Variants in BARD1 observed in about 807,000 individuals in gnomAD.
The protein encoded by BARD1 is BRCA1 associated RING domain 1.
BARD1 carries 73 observed loss-of-function variants against 77.0 expected under a neutral mutation model. The ratio of observed to expected loss-of-function variants is 0.95; its 90% CI spans 0.79 to 1.15. The LOEUF (loss-of-function observed/expected upper bound fraction) is 1.15, where lower values mean the gene tolerates loss of function less well. BARD1 is among the 50% of genes most tolerant of loss of function. BARD1 has a pLI of 0.00. For missense variants in BARD1, 993 were observed against 938.8 expected, an observed-to-expected ratio of 1.06 and a Z score of -0.75; for synonymous variants, 384 against 338.0, an observed-to-expected ratio of 1.14 and a Z score of -1.49.
chr2:214,729,295 A>T (rs1251801320), intron 10 of BARD1, among the ~76,000 whole-genome samples: 1 of 152,218 alleles, frequency 6.6e-6, no homozygotes, highest in Non-Finnish European at 1.5e-5. Context: ...AATTTTGTGC[A>T]TGAAACAAAA....
At chr2:214,787,997 C>T (rs75053714) in intron 3 of BARD1, among the ~76,000 whole-genome samples, 7,963 of 151,954 alleles carry the variant, frequency 0.052, 233 homozygotes, top group Admixed American at 0.083. Flanking sequence ...ATTTTGTAAG[C>T]TAGGAAGCAT....
In BARD1 at chr2:214,752,442, C is replaced by G; in HGVS notation, c.1677+5G>C. ...TAAATGTCCCAAAGCTAAATCCATA[C>G]TTACTACTGAGCAGTGGCTAGCTGA... On this transcript the variant is annotated splice_donor_5th_base_variant and intron_variant, in intron 7 of 10. Coordinates refer to ENST00000260947, the MANE Select transcript of BARD1 (RefSeq NM_000465.4). 6.3e-7 allele frequency: 1 copy of G among 1,598,350 alleles called. No homozygotes were observed. Among genetic ancestry groups the G allele is most frequent in the Non-Finnish European group, 8.6e-7 (1 of 1,165,770 alleles).
intron 7 of BARD1, among the ~76,000 whole-genome samples, chr2:214,749,798 T>C (rs1303219738): frequency 4.0e-5 from 6 of 150,142 alleles, no homozygotes; most frequent in Non-Finnish European, 7.4e-5. Flanking sequence ...TTTTTTTTAA[T>C]GGCTGGTTAA....
chr2:214,800,462 C>T (rs1695965815), intron 1 of BARD1, among the ~76,000 whole-genome samples: 1 of 152,082 alleles, frequency 6.6e-6, no homozygotes, highest in Non-Finnish European at 1.5e-5. Context: ...AGCTTGAGCC[C>T]AAGAGTTCAG....
intron 6 of BARD1, among the ~76,000 whole-genome samples, chr2:214,761,791 T>C (rs1693977374): frequency 6.6e-6 from 1 of 152,192 alleles, no homozygotes; most frequent in Admixed American, 6.5e-5. Flanking sequence ...GATATTAGTA[T>C]TGACTATAAC....
At chr2:214,740,698 T>C (rs2106009330) in intron 9 of BARD1, among the ~76,000 whole-genome samples, 1 of 152,206 alleles carries the variant, frequency 6.6e-6, no homozygotes, top group East Asian at 1.9e-4. Context: ...TAATCTTTCA[T>C]ATGTAGGTTA....
chr2:214,780,437 G>A (rs371993665), intron 4 of BARD1, 123 bp downstream of exon 4: 2 of 847,134 alleles, frequency 2.4e-6, no homozygotes, highest in African/African-American at 3.4e-5. Flanking sequence ...TGGTTCAGAG[G>A]AAGTATCATG....
intron 4 of BARD1, among the ~76,000 whole-genome samples, chr2:214,772,684 G>A (rs77777667): frequency 0.035 from 5,299 of 152,042 alleles, 124 homozygotes; most frequent in Non-Finnish European, 0.049. Context: ...ATTAGCAAAC[G>A]GCTTGCTTTT....
At chr2:214,777,181 T>G (rs1694771719) in intron 4 of BARD1, among the ~76,000 whole-genome samples, 1 of 152,172 alleles carries the variant, frequency 6.6e-6, no homozygotes, top group Non-Finnish European at 1.5e-5. Context: ...TTTGAATCAC[T>G]AACTTTGTGG....
intron 1 of BARD1, among the ~76,000 whole-genome samples, chr2:214,800,019 C>T (rs146281750): frequency 3.3e-5 from 5 of 152,316 alleles, no homozygotes; most frequent in African/African-American, 1.2e-4. Context: ...GCTTTTCCTA[C>T]CTCTCCATGT....
chr2:214,758,625 G>A (rs1330095076), intron 6 of BARD1, among the ~76,000 whole-genome samples: 2 of 152,176 alleles, frequency 1.3e-5, no homozygotes, highest in Admixed American at 1.3e-4. Context: ...TAAAGAGTAT[G>A]AACCACATAA....
At chr2:214,756,826 G>C (rs1186563735) in intron 6 of BARD1, among the ~76,000 whole-genome samples, 4 of 152,058 alleles carry the variant, frequency 2.6e-5, no homozygotes, top group Non-Finnish European at 5.9e-5. Context: ...CGGACTCAAG[G>C]GGAAAAGGTG....
At chr2:214,802,279 A>G (rs1696058936) in intron 1 of BARD1, among the ~76,000 whole-genome samples, 1 of 152,216 alleles carries the variant, frequency 6.6e-6, no homozygotes, top group Non-Finnish European at 1.5e-5. Flanking sequence ...AATAAATTAC[A>G]TGAGCTATTA....
At chr2:214,773,555 T>C (rs1237624949) in intron 4 of BARD1, among the ~76,000 whole-genome samples, 1 of 152,164 alleles carries the variant, frequency 6.6e-6, no homozygotes, top group Non-Finnish European at 1.5e-5. Context: ...GTCACACGAA[T>C]CTTCTGGTTT....
At chr2:214,803,783 T>C (rs986137721) in intron 1 of BARD1, among the ~76,000 whole-genome samples, 8 of 152,206 alleles carry the variant, frequency 5.3e-5, no homozygotes, top group Non-Finnish European at 8.8e-5. Flanking sequence ...TGTGTCTTTT[T>C]CTTTTCCAAG....
At chr2:214,748,927 A>G (rs752111241) in intron 7 of BARD1, among the ~76,000 whole-genome samples, 1 of 152,206 alleles carries the variant, frequency 6.6e-6, no homozygotes, top group Admixed American at 6.5e-5. Context: ...TAGGGCTACT[A>G]TAGTAAACAG....
At position 214,780,867 on chromosome 2, in the gene BARD1, C is replaced by T. The variant is rs779527817; in HGVS notation, c.1007G>A (p.Cys336Tyr). 3.7e-6 allele frequency: 6 copies of T among 1,614,006 alleles called. No homozygotes were observed. In the East Asian group the frequency reaches 1.3e-4, roughly 36 times the overall value. The change falls in exon 4 of 11, where the codon TGT becomes TAT. Residue 336 changes from cysteine (C) to tyrosine (Y), a missense_variant. Cys to Tyr is a radical substitution (Grantham distance 194). Coordinates refer to ENST00000260947, the MANE Select transcript of BARD1 (RefSeq NM_000465.4). ...ACTGGTGCTCAGAATGCTGGTTCTA[C>T]ATCTCTTAGAAATGGGACTGGAAAG... ...NRLSSPISKRCRTSILSTSGD... is the reference protein window; with the variant it reads ...NRLSSPISKRYRTSILSTSGD...
chr2:214,740,539 A>G (rs146078483), intron 9 of BARD1, among the ~76,000 whole-genome samples: 1 of 152,166 alleles, frequency 6.6e-6, no homozygotes, highest in East Asian at 1.9e-4. Context: ...GCATGCATAC[A>G]TTTATATATT....
intron 9 of BARD1, among the ~76,000 whole-genome samples, chr2:214,738,648 A>C (rs936901423): frequency 6.6e-6 from 1 of 152,180 alleles, no homozygotes; most frequent in Non-Finnish European, 1.5e-5. Context: ...CACAAATGCA[A>C]GGAAATTAAA....
Sources: gnomAD v4.1 joint callset for allele counts (sites outside exome capture counted in the v4.1 genomes callset) on GRCh38, gnomAD v4.1.1 for gene constraint, MANE v1.5 for transcripts, NCBI Gene and HGNC (gene_info 2026-07-23, HGNC 2026-07-21) for gene names.